The following MYO16 variants were observed in gnomAD, a reference collection of about 807,000 sequenced individuals.
MYO16 encodes the protein myosin XVI.
In MYO16, 94 loss-of-function variants were observed where a neutral mutation model predicts 205.3. That is an observed-to-expected ratio of 0.46 (90% CI 0.39 to 0.54). The LOEUF is 0.54. Ranked by LOEUF, MYO16 falls within the 20% of genes least tolerant of loss-of-function variation. The pLI is 0.00. For missense variants in MYO16, 2,315 were observed against 2,387.5 expected (o/e 0.97, Z 0.63); for synonymous variants, 988 against 954.0 (o/e 1.04, Z -0.66).
Position 108,820,392 on chromosome 13 carries a change from G to C in MYO16, c.923G>C (p.Cys308Ser). Residue 308 changes from cysteine to serine, a missense_variant, in exon 8 of 35, where the codon TGT (cysteine) becomes TCT (serine). Transcript: ENST00000457511. Reference protein sequence around the residue: ...MHQANPHLVNCNEEKASDIAA... With the variant: ...MHQANPHLVNSNEEKASDIAA... ...CAGGCAAACCCACACCTCGTGAACT[G>C]TAATGAGGAGAAGGCGTCAGGTAGG... 1 of 1,606,872 alleles carries C rather than the reference G, an allele frequency of 6.2e-7. No individual in the cohort carries two copies. The highest frequency in any genetic ancestry group is 8.5e-7 in the Non-Finnish European group (1 of 1,176,308).
intron 28 of MYO16, 56 bp from the exon 29 acceptor site, chr13:109,120,314 A>G (rs1875929868): frequency 1.1e-5 from 13 of 1,222,116 alleles, no homozygotes; most frequent in South Asian, 2.8e-5. Flanking sequence ...TTATTTTTCC[A>G]TCATCATTTT....
Position 109,127,614 on chromosome 13 carries a change from G to A in MYO16, c.4051+64G>A. On this transcript the variant is annotated intron_variant, in intron 31 of 34. Coordinates refer to ENST00000457511, the MANE Select transcript of MYO16 (RefSeq NM_001198950.3). The surrounding 1 kb of genome is among the most constrained non-coding windows in gnomAD (Gnocchi z 4.2). Reference sequence around the variant, plus strand: ...TCGCGCATGCTCTGACTTCGCCTTGGGGCGCCCATGGCAGTACTGTCGCCC... The same window carrying A: ...TCGCGCATGCTCTGACTTCGCCTTGAGGCGCCCATGGCAGTACTGTCGCCC... The A allele has an allele frequency of 6.5e-7, 1 of 1,548,186 alleles. No individual in the cohort carries two copies. Among genetic ancestry groups the A allele is most frequent in the East Asian group, 2.3e-5 (1 of 42,572 alleles).
intron 10 of MYO16, chr13:108,855,225 G>A (rs1878104391): frequency 5.2e-6 from 2 of 386,046 alleles, no homozygotes; most frequent in Non-Finnish European, 9.6e-6. Context: ...TGCACACTGG[G>A]GAGTATAGCA....
chr13:108,993,011 A>G (rs1215966772), intron 21 of MYO16, among the ~76,000 whole-genome samples: 1 of 152,166 alleles, frequency 6.6e-6, no homozygotes, highest in East Asian at 1.9e-4. Context: ...GTATACCTAA[A>G]AACTAAGTGT....
intron 2 of MYO16, among the ~76,000 whole-genome samples, chr13:108,700,433 G>T (rs9514881): frequency 0.94 from 142,282 of 151,682 alleles, 66,745 homozygotes; most frequent in Middle Eastern, 0.95. Flanking sequence ...GTCCTTTGAC[G>T]ATTGTAGCCA....
chr13:108,546,290 T>C, the MYO16 span, among the ~76,000 whole-genome samples: 138 of 152,294 alleles, frequency 9.1e-4, no homozygotes, highest in African/African-American at 3.3e-3. Flanking sequence ...TCCAGAAGGC[T>C]GCCATCCATT....
At chr13:108,729,500 T>G (rs951460865) in intron 4 of MYO16, among the ~76,000 whole-genome samples, 2 of 152,186 alleles carry the variant, frequency 1.3e-5, no homozygotes, top group African/African-American at 4.8e-5. Context: ...ATGTTCTGAT[T>G]TCTTTTTTTC....
At chr13:109,198,777 C>T (rs1195847343) in intron 34 of MYO16, among the ~76,000 whole-genome samples, 1 of 152,164 alleles carries the variant, frequency 6.6e-6, no homozygotes, top group Non-Finnish European at 1.5e-5. Flanking sequence ...ATATAATCCA[C>T]ATCAAGTTGT....
chr13:108,516,430 C>T, the MYO16 span, among the ~76,000 whole-genome samples: 13 of 152,220 alleles, frequency 8.5e-5, no homozygotes, highest in Admixed American at 3.9e-4. Context: ...AGAAATCACC[C>T]GTCTTCTGCG....
At chr13:108,723,053 C>T (rs569021841) in intron 3 of MYO16, among the ~76,000 whole-genome samples, 5 of 152,048 alleles carry the variant, frequency 3.3e-5, no homozygotes, top group South Asian at 4.2e-4. Flanking sequence ...TGCTTTTTCA[C>T]GGTGGTTGTT....
intron 11 of MYO16, among the ~76,000 whole-genome samples, chr13:108,859,929 A>G (rs1280694579): frequency 1.3e-5 from 2 of 152,176 alleles, no homozygotes; most frequent in Admixed American, 6.5e-5. Flanking sequence ...GCATCGCATG[A>G]CAGCTCCTAG....
chr13:109,106,496 A>G (rs956220935), intron 28 of MYO16, among the ~76,000 whole-genome samples: 1 of 152,234 alleles, frequency 6.6e-6, no homozygotes, highest in Non-Finnish European at 1.5e-5. Context: ...TCATTTATGT[A>G]AAATGAAAAC....
intron 4 of MYO16, among the ~76,000 whole-genome samples, chr13:108,746,033 CA>C (rs61045585): frequency 6.0e-5 from 9 of 149,086 alleles, no homozygotes; most frequent in South Asian, 2.1e-4. Context: ...TAAAAAAATA[CA>C]AAAAAAAAAT....
intron 11 of MYO16, among the ~76,000 whole-genome samples, chr13:108,863,845 T>C (rs1354882746): frequency 6.6e-6 from 1 of 152,194 alleles, no homozygotes; most frequent in Non-Finnish European, 1.5e-5. Context: ...TAGATTCAGC[T>C]CACTTTATAG....
intron 33 of MYO16, among the ~76,000 whole-genome samples, chr13:109,165,316 G>A (rs1437467805): frequency 2.0e-5 from 3 of 152,124 alleles, no homozygotes; most frequent in African/African-American, 7.2e-5. Flanking sequence ...TCCAAAATTA[G>A]TCTTATACTG....
intron 2 of MYO16, among the ~76,000 whole-genome samples, chr13:108,666,539 T>C (rs1594190886): frequency 6.6e-6 from 1 of 152,122 alleles, no homozygotes; most frequent in Non-Finnish European, 1.5e-5. Flanking sequence ...ACCAGGCTGG[T>C]CTCGAACTCC....
intron 34 of MYO16, among the ~76,000 whole-genome samples, chr13:109,192,855 A>G (rs1293574076): frequency 6.6e-6 from 1 of 152,176 alleles, no homozygotes; most frequent in Non-Finnish European, 1.5e-5. Flanking sequence ...CTGTTATGAC[A>G]TCCTGGGTAA....
chr13:108,613,323 C>T (rs1031726789), intron 1 of MYO16, among the ~76,000 whole-genome samples: 1 of 152,072 alleles, frequency 6.6e-6, no homozygotes, highest in African/African-American at 2.4e-5. Flanking sequence ...TAAATGTGTC[C>T]TCAATTCTGG....
chr13:109,009,129 C>T (rs551212931), intron 22 of MYO16, 80 bp downstream of exon 22: 98 of 1,205,476 alleles, frequency 8.1e-5, no homozygotes, highest in Middle Eastern at 4.6e-4. Flanking sequence ...TCTTTCAGGA[C>T]GCCTTATTTT....
Sources: gnomAD v4.1 joint callset for allele counts (sites outside exome capture counted in the v4.1 genomes callset) on GRCh38, gnomAD v4.1.1 for gene constraint, Gnocchi (gnomAD v3.1) non-coding constraint, MANE v1.5 for transcripts, NCBI Gene and HGNC (gene_info 2026-07-23, HGNC 2026-07-21) for gene names.